Variants in SLC41A2 observed in about 807,000 individuals in gnomAD.
SLC41A2 encodes SLC41A1-like 1.
Under a neutral mutation model 58.3 loss-of-function variants are expected in SLC41A2, and 32 were observed. The observed-to-expected ratio is 0.55, with a 90% CI of 0.41 to 0.74. SLC41A2 has a LOEUF of 0.74. SLC41A2 is among the 30% of genes least tolerant of loss of function. The probability of loss-of-function intolerance (pLI) is 0.00; values close to 1 mark genes in which losing one functional copy is unlikely to be tolerated. For synonymous variants in SLC41A2, 190 were observed against 235.0 expected (o/e 0.81, Z 1.75); for missense variants, 514 against 680.6 (o/e 0.76, Z 2.72).
At chr12:104,920,790 G>C (rs2046560977) in intron 2 of SLC41A2, among the ~76,000 whole-genome samples, 1 of 151,992 alleles carries the variant, frequency 6.6e-6, no homozygotes, top group South Asian at 2.1e-4. Flanking sequence ...TAGGTGTGGT[G>C]GCGGGCACTT....
At chr12:104,854,597 C>A (rs942432738) in intron 8 of SLC41A2, among the ~76,000 whole-genome samples, 1 of 151,320 alleles carries the variant, frequency 6.6e-6, no homozygotes, top group African/African-American at 2.4e-5. Flanking sequence ...CGCCTTAGAT[C>A]AGAAATTCCC....
intron 2 of SLC41A2, among the ~76,000 whole-genome samples, chr12:104,916,848 T>C (rs1381201540): frequency 1.3e-5 from 2 of 151,996 alleles, no homozygotes; most frequent in Non-Finnish European, 2.9e-5. Flanking sequence ...GACTTAAATG[T>C]TAGACCTAAA....
chr12:104,903,998 G>A (rs2045686721), intron 3 of SLC41A2, among the ~76,000 whole-genome samples: 2 of 151,990 alleles, frequency 1.3e-5, no homozygotes, highest in Admixed American at 1.3e-4. Context: ...ACAAATTAAC[G>A]AAGGTTAAAA....
chr12:104,938,498 C>T (rs73383467), intron 1 of SLC41A2, among the ~76,000 whole-genome samples: 6,697 of 152,258 alleles, frequency 0.044, 330 homozygotes, highest in East Asian at 0.15. Context: ...CCATGGGACT[C>T]TCTTTGGCCA....
intron 6 of SLC41A2, among the ~76,000 whole-genome samples, chr12:104,867,853 GCTT>G (rs765258045): frequency 6.6e-6 from 1 of 150,972 alleles, no homozygotes; most frequent in African/African-American, 2.4e-5. Flanking sequence ...TCTTTCTTTT[GCTT>G]CTTAAGATAT....
intron 10 of SLC41A2, 68 bp downstream of exon 10, chr12:104,844,404 T>C: frequency 4.7e-6 from 5 of 1,058,008 alleles, no homozygotes; most frequent in Non-Finnish European, 6.4e-6. Context: ...TGTGTTTTTA[T>C]ATTTCCACAG....
intron 3 of SLC41A2, among the ~76,000 whole-genome samples, chr12:104,899,340 A>G (rs1025599470): frequency 6.6e-6 from 1 of 152,186 alleles, no homozygotes; most frequent in Non-Finnish European, 1.5e-5. Context: ...CACACTTTTC[A>G]GTTTCTTTCC....
chr12:104,851,633 C>CTG (rs2042804438), intron 8 of SLC41A2, among the ~76,000 whole-genome samples: 1 of 152,164 alleles, frequency 6.6e-6, no homozygotes, highest in Non-Finnish European at 1.5e-5. Flanking sequence ...AGCAATCCTC[C>CTG]TGCCTAGGCC....
chr12:104,909,627 A>G (rs1375333024), intron 3 of SLC41A2, 28 bp downstream of exon 3: 2 of 1,419,514 alleles, frequency 1.4e-6, no homozygotes, highest in Non-Finnish European at 2.0e-6. Context: ...TAGGTAATAC[A>G]CATAATTTGA....
chr12:104,886,794 T>G (rs2044691346), intron 5 of SLC41A2, among the ~76,000 whole-genome samples: 1 of 151,560 alleles, frequency 6.6e-6, no homozygotes. Flanking sequence ...AAATAAAGTA[T>G]GAAAACATCA....
Position 104,946,329 on chromosome 12 carries a change from A to AGGGT in SLC41A2, c.-168+11755_-168+11758dup, listed in dbSNP as rs1226635300. Reference sequence around the variant, plus strand: ...GCCCAGGAGGAACAGGATGGAGTGCAGGGTGTGATCCTGGCTCACTTTTTC... The same window carrying AGGGT: ...GCCCAGGAGGAACAGGATGGAGTGCAGGGTGGGTGTGATCCTGGCTCACTTTTTC... On this transcript the variant is annotated intron_variant, in intron 1 of 10. Transcript: ENST00000258538. Among the ~76,000 whole-genome samples, 7 of 152,274 alleles carry AGGGT rather than the reference A, an allele frequency of 4.6e-5. No homozygotes were observed. In the East Asian group the frequency reaches 1.3e-3, roughly 29 times the overall value.
chr12:104,816,884 A>AT (rs2041428209), intron 10 of SLC41A2, among the ~76,000 whole-genome samples: 2 of 152,226 alleles, frequency 1.3e-5, no homozygotes, highest in South Asian at 2.1e-4. Flanking sequence ...AAATCCAAGG[A>AT]TACTCAAGTC....
chr12:104,892,396 T>C (rs1437652016), intron 4 of SLC41A2, among the ~76,000 whole-genome samples: 5 of 151,848 alleles, frequency 3.3e-5, no homozygotes, highest in African/African-American at 1.2e-4. Context: ...TGTTCATGGA[T>C]TAGAATAATC....
At chr12:104,933,798 T>C (rs2047159381) in intron 1 of SLC41A2, among the ~76,000 whole-genome samples, 2 of 152,134 alleles carry the variant, frequency 1.3e-5, no homozygotes, top group African/African-American at 4.8e-5. Flanking sequence ...AGGCCATTAT[T>C]CTAAGTGACG....
At chr12:104,898,894 T>C (rs887735430) in intron 3 of SLC41A2, among the ~76,000 whole-genome samples, 4 of 152,196 alleles carry the variant, frequency 2.6e-5, no homozygotes, top group African/African-American at 7.2e-5. Context: ...CTCCACATCA[T>C]ATATCAGAGA....
chr12:104,860,865 G>C (rs1208088413), intron 8 of SLC41A2, among the ~76,000 whole-genome samples: 1 of 152,044 alleles, frequency 6.6e-6, no homozygotes, highest in East Asian at 1.9e-4. Flanking sequence ...ATGAGCCACT[G>C]TGCCCACCCC....
At chr12:104,940,870 G>C (rs1407386889) in intron 1 of SLC41A2, among the ~76,000 whole-genome samples, 1 of 142,574 alleles carries the variant, frequency 7.0e-6, no homozygotes, top group African/African-American at 2.6e-5. Flanking sequence ...AGTGAGCCGA[G>C]ATCATGGTGA....
intron 8 of SLC41A2, among the ~76,000 whole-genome samples, chr12:104,861,016 T>C (rs1006802184): frequency 1.3e-5 from 2 of 152,198 alleles, no homozygotes; most frequent in African/African-American, 4.8e-5. Context: ...ATCTGAAATA[T>C]ATTTTGCCAC....
intron 2 of SLC41A2, among the ~76,000 whole-genome samples, chr12:104,912,384 G>A (rs1331438954): frequency 6.6e-6 from 1 of 152,162 alleles, no homozygotes; most frequent in African/African-American, 2.4e-5. Context: ...CACCTTTGGG[G>A]AGGATGGAGG....
Sources: gnomAD v4.1 joint callset for allele counts (sites outside exome capture counted in the v4.1 genomes callset) on GRCh38, gnomAD v4.1.1 for gene constraint, MANE v1.5 for transcripts, NCBI Gene and HGNC (gene_info 2026-07-23, HGNC 2026-07-21) for gene names.